DNAJC3: variants seen among roughly 807,000 people sequenced by gnomAD.
DNAJC3 encodes the protein DnaJ heat shock protein family (Hsp40) member C3.
In DNAJC3, 38 loss-of-function variants were observed where a neutral mutation model predicts 68.6. The observed-to-expected ratio is 0.55, with a 90% CI of 0.43 to 0.73. The LOEUF (loss-of-function observed/expected upper bound fraction) is 0.73. DNAJC3 is among the 30% of genes least tolerant of loss of function. The probability of loss-of-function intolerance (pLI) is 0.00; values close to 1 mark genes in which losing one functional copy is unlikely to be tolerated. For missense variants in DNAJC3, 526 were observed against 591.9 expected (o/e 0.89, Z 1.16); for synonymous variants, 203 against 204.0 (o/e 1.00, Z 0.04).
chr13:95,700,511 ACT>A (rs1043661008), intron 1 of DNAJC3, among the ~76,000 whole-genome samples: 3 of 152,148 alleles, frequency 2.0e-5, no homozygotes, highest in African/African-American at 7.2e-5. Context: ...GTATTCAGTT[ACT>A]TTTGTGCCAA....
chr13:95,762,541 T>G (rs1882857975), intron 7 of DNAJC3, among the ~76,000 whole-genome samples: 1 of 152,180 alleles, frequency 6.6e-6, no homozygotes, highest in South Asian at 2.1e-4. Flanking sequence ...TCTCTAGGGT[T>G]TTTTAGTTGT....
intron 4 of DNAJC3, among the ~76,000 whole-genome samples, chr13:95,755,647 C>T (rs1216349173): frequency 6.7e-6 from 1 of 149,256 alleles, no homozygotes; most frequent in Non-Finnish European, 1.5e-5. Flanking sequence ...GTCCCAGCTA[C>T]TCAGGAGGCT....
At chr13:95,762,362 T>C (rs1284030061) in intron 7 of DNAJC3, among the ~76,000 whole-genome samples, 4 of 152,152 alleles carry the variant, frequency 2.6e-5, no homozygotes, top group Non-Finnish European at 5.9e-5. Flanking sequence ...TCTGTACCTG[T>C]TGGCGTTTCT....
chr13:95,733,703 CT>C (rs146677839), intron 4 of DNAJC3, among the ~76,000 whole-genome samples: 26,681 of 102,866 alleles, frequency 0.26, 3,435 homozygotes, highest in African/African-American at 0.43. Flanking sequence ...CCTGGCCTGT[CT>C]TTTTTTTTTT....
chr13:95,776,333 T>C (rs1221584218), intron 9 of DNAJC3, among the ~76,000 whole-genome samples: 3 of 152,210 alleles, frequency 2.0e-5, no homozygotes, highest in Non-Finnish European at 4.4e-5. Context: ...TGCAATTGTT[T>C]AGAAGTTTTC....
intron 4 of DNAJC3, among the ~76,000 whole-genome samples, chr13:95,753,537 T>C (rs891952825): frequency 6.6e-6 from 1 of 152,170 alleles, no homozygotes; most frequent in African/African-American, 2.4e-5. Context: ...ATTAATTAAA[T>C]AGAATTAGAA....
chr13:95,717,266 C>T (rs1241797197), intron 2 of DNAJC3, among the ~76,000 whole-genome samples: 1 of 152,128 alleles, frequency 6.6e-6, no homozygotes, highest in Non-Finnish European at 1.5e-5. Flanking sequence ...TTTGCTGAAT[C>T]CAAAAACAAA....
chr13:95,714,281 A>G (rs1481780922), intron 2 of DNAJC3, among the ~76,000 whole-genome samples: 1 of 152,140 alleles, frequency 6.6e-6, no homozygotes, highest in Non-Finnish European at 1.5e-5. Context: ...ATAGTATATA[A>G]TCACTCAGGA....
intron 4 of DNAJC3, among the ~76,000 whole-genome samples, chr13:95,733,817 T>C (rs2139650712): frequency 6.6e-6 from 1 of 152,104 alleles, no homozygotes; most frequent in South Asian, 2.1e-4. Context: ...GAATGTCTTC[T>C]GTCCCTTTAC....
intron 4 of DNAJC3, among the ~76,000 whole-genome samples, chr13:95,756,853 G>T (rs767269648): frequency 2.6e-5 from 4 of 152,132 alleles, no homozygotes; most frequent in Non-Finnish European, 5.9e-5. Context: ...AAGAGTCCCT[G>T]TGCACAGGGC....
intron 2 of DNAJC3, among the ~76,000 whole-genome samples, chr13:95,714,966 C>G (rs1881091253): frequency 1.3e-5 from 2 of 151,772 alleles, no homozygotes; most frequent in Admixed American, 6.6e-5. Context: ...TGAGACAGCT[C>G]TTTCCCAAAA....
intron 1 of DNAJC3, among the ~76,000 whole-genome samples, chr13:95,686,577 T>C (rs1880079164): frequency 6.6e-6 from 1 of 152,230 alleles, no homozygotes; most frequent in Non-Finnish European, 1.5e-5. Context: ...GAGATCCAGT[T>C]TCTTCTGCAT....
intron 1 of DNAJC3, chr13:95,694,786 T>A (rs1880384691): frequency 6.6e-6 from 1 of 152,616 alleles, no homozygotes; most frequent in Non-Finnish European, 1.5e-5. Context: ...AACCGAGTTG[T>A]AAACTACGGC....
chr13:95,690,912 G>C (rs1281893473), intron 1 of DNAJC3, among the ~76,000 whole-genome samples: 3 of 120,606 alleles, frequency 2.5e-5, no homozygotes, highest in Non-Finnish European at 5.3e-5. Flanking sequence ...CTGGCCGGGC[G>C]GGGGGCTGAC....
At chr13:95,785,544 C>T (rs559154987) in intron 9 of DNAJC3, among the ~76,000 whole-genome samples, 2 of 148,514 alleles carry the variant, frequency 1.3e-5, no homozygotes, top group South Asian at 2.2e-4. Flanking sequence ...TGCAAACCTC[C>T]GCCTCCCAAG....
intron 1 of DNAJC3, among the ~76,000 whole-genome samples, chr13:95,679,397 G>C (rs1162526532): frequency 6.6e-6 from 1 of 151,996 alleles, no homozygotes; most frequent in Non-Finnish European, 1.5e-5. Flanking sequence ...AAAGACCCTG[G>C]ATGACCACAC....
intron 4 of DNAJC3, among the ~76,000 whole-genome samples, chr13:95,729,402 C>G (rs1881641920): frequency 6.6e-6 from 1 of 150,534 alleles, no homozygotes; most frequent in Admixed American, 6.6e-5. Flanking sequence ...CCCTCTCCCT[C>G]TCTCCATACA....
At chr13:95,715,620 T>G (rs1035126331) in intron 2 of DNAJC3, among the ~76,000 whole-genome samples, 1 of 151,586 alleles carries the variant, frequency 6.6e-6, no homozygotes, top group Non-Finnish European at 1.5e-5. Flanking sequence ...CCCGAGCAGC[T>G]AGGAGTATAG....
At chr13:95,775,158 G>T (rs1310352863) in intron 9 of DNAJC3, among the ~76,000 whole-genome samples, 1 of 152,160 alleles carries the variant, frequency 6.6e-6, no homozygotes, top group Non-Finnish European at 1.5e-5. Flanking sequence ...TTAAACCCCT[G>T]GCCTCAAGCA....
Sources: gnomAD v4.1 joint callset for allele counts (sites outside exome capture counted in the v4.1 genomes callset) on GRCh38, gnomAD v4.1.1 for gene constraint, MANE v1.5 for transcripts, NCBI Gene and HGNC (gene_info 2026-07-23, HGNC 2026-07-21) for gene names.